Variants in TICRR observed in about 807,000 individuals in gnomAD.
The protein encoded by TICRR is treslin.
TICRR carries 132 observed loss-of-function variants against 178.1 expected under a neutral mutation model. The observed-to-expected ratio is 0.74, with a 90% CI of 0.64 to 0.86. The LOEUF is 0.86. TICRR is among the 40% of genes least tolerant of loss of function. TICRR has a pLI of 0.00. For synonymous variants in TICRR, 991 were observed against 900.7 expected (o/e 1.10, Z -1.79); for missense variants, 2,587 against 2,334.3 (o/e 1.11, Z -2.23).
chr15:89,584,666 T>C, intron 3 of TICRR, 139 bp downstream of exon 3: 2 of 879,180 alleles, frequency 2.3e-6, no homozygotes, highest in South Asian at 6.5e-5. Flanking sequence ...GTTGACATTA[T>C]AGTATCATGA....
Position 89,575,696 on chromosome 15 carries a change from G to T in TICRR, c.110G>T (p.Arg37Leu). ...ALRLLTYLSCRFGLARVHWAF... is the reference protein window; with the variant it reads ...ALRLLTYLSCLFGLARVHWAF... ...CGCCTCCTCACCTATCTGAGTTGCC[G>T]ATTCGGCCTGGCCAGGGTCCACTGG... The change falls in exon 1 of 22, where the codon CGA becomes CTA. Residue 37 changes from arginine to leucine, a missense_variant. Arg to Leu is a moderately radical substitution (Grantham distance 102). Coordinates refer to ENST00000268138, the MANE Select transcript of TICRR (RefSeq NM_152259.4). 1 of 1,605,960 alleles carries T rather than the reference G, an allele frequency of 6.2e-7. No individual in the cohort carries two copies. Among genetic ancestry groups the T allele is most frequent in the Non-Finnish European group, 8.5e-7 (1 of 1,177,582 alleles).
At chr15:89,578,861 A>G (rs752648450) in intron 1 of TICRR, among the ~76,000 whole-genome samples, 1 of 152,066 alleles carries the variant, frequency 6.6e-6, no homozygotes, top group South Asian at 2.1e-4. Flanking sequence ...ATCATTTTCT[A>G]TTCAAAAACC....
chr15:89,602,653 G>C (rs1237799513), intron 12 of TICRR, 143 bp from the exon 13 acceptor site: 1 of 429,112 alleles, frequency 2.3e-6, no homozygotes, highest in Non-Finnish European at 4.0e-6. Context: ...GGGGTGACTT[G>C]TTTTATTATA....
Position 89,575,882 on chromosome 15 carries a change from A to G in TICRR, c.296A>G (p.His99Arg). ...HLPGPAPRAT[H>R]THGALMETLL... ...CCCGGCCCGGCGCCCAGGGCCACCC[A>G]CACGCACGGCGCCCTGATGGAGACG... The change falls in exon 1 of 22, where the codon CAC (histidine) becomes CGC (arginine). Residue 99 changes from histidine (H) to arginine (R), a missense_variant. Physicochemically the swap from His to Arg is conservative, Grantham distance 29. Coordinates refer to ENST00000268138, the MANE Select transcript of TICRR (RefSeq NM_152259.4). 8 of 1,587,208 alleles carry G rather than the reference A, an allele frequency of 5.0e-6. No homozygotes were observed. Among genetic ancestry groups the G allele is most frequent in the Non-Finnish European group, 5.1e-6 (6 of 1,169,282 alleles).
intron 14 of TICRR, among the ~76,000 whole-genome samples, chr15:89,607,789 T>C (rs1963195951): frequency 6.6e-6 from 1 of 152,162 alleles, no homozygotes; most frequent in African/African-American, 2.4e-5. Context: ...GGTGAATTTT[T>C]GGATCACTTC....
At chr15:89,612,806 T>C (rs1474696817) in intron 15 of TICRR, among the ~76,000 whole-genome samples, 1 of 152,240 alleles carries the variant, frequency 6.6e-6, no homozygotes, top group Non-Finnish European at 1.5e-5. Flanking sequence ...TTCTCATTGA[T>C]ACCAATTTAA....
rs537462042 is a variant in TICRR, at chr15:89,586,007, C to T, written c.1411+65C>T. 3.2e-6 allele frequency: 4 copies of T among 1,251,178 alleles called. No individual in the cohort carries two copies. The African/African-American group carries it at 5.9e-5, about 18-fold the overall frequency. The allele number at this position is 1,251,178 out of a possible 1,614,324, so 77.5% of individuals were successfully genotyped here. A position where few individuals can be genotyped will look rare whatever the true frequency, so the allele number is the denominator to read the frequency against. On this transcript the variant is annotated intron_variant, in intron 4 of 21. Transcript: ENST00000268138. ...TTTGCAGTCTTTTCAAGCATCGGGA[C>T]TTTTTCACTGTGCAGTTAGTAGAAC...
chr15:89,617,794 C>T (rs551772662), intron 16 of TICRR, among the ~76,000 whole-genome samples: 4 of 151,008 alleles, frequency 2.6e-5, no homozygotes, highest in South Asian at 2.1e-4. Context: ...CGGGTTCAAG[C>T]GATTCTCTTG....
chr15:89,606,673 A>C, intron 13 of TICRR, 95 bp from the exon 14 acceptor site: 1 of 984,142 alleles, frequency 1.0e-6, no homozygotes, highest in South Asian at 1.4e-5. Flanking sequence ...CCTATAAATG[A>C]ATTACAAGAG....
At chr15:89,588,333 C>T (rs1275937127) in intron 4 of TICRR, among the ~76,000 whole-genome samples, 2 of 152,134 alleles carry the variant, frequency 1.3e-5, no homozygotes, top group Non-Finnish European at 2.9e-5. Flanking sequence ...CAGCCACATT[C>T]ACCAGCTGGC....
chr15:89,620,243 C>T (rs1963402796), intron 18 of TICRR, among the ~76,000 whole-genome samples: 1 of 152,198 alleles, frequency 6.6e-6, no homozygotes. Flanking sequence ...AGGTCTCACT[C>T]TGTCACCCAG....
In TICRR at chr15:89,584,385, C is replaced by T. The variant is rs1254610001; in HGVS notation, c.1034C>T (p.Ser345Leu). 3 of 1,614,160 alleles carry T rather than the reference C, an allele frequency of 1.9e-6. No individual in the cohort carries two copies. The highest frequency in any genetic ancestry group is 1.7e-5 in the Admixed American group (1 of 60,018). ...CCAGTCAGAATTTTTCTAAAAGGCT[C>T]AGTGGCCCAGTGGTCTCTCCCAACG... ...QKPVRIFLKG[S>L]VAQWSLPTSS... Residue 345 changes from serine to leucine, a missense_variant, in exon 3 of 22, where the codon TCA (serine) becomes TTA (leucine). Coordinates refer to ENST00000268138, the MANE Select transcript of TICRR (RefSeq NM_152259.4).
At chr15:89,621,908 G>A (rs778456467) in intron 19 of TICRR, among the ~76,000 whole-genome samples, 17 of 151,662 alleles carry the variant, frequency 1.1e-4, no homozygotes, top group Admixed American at 2.0e-4. Flanking sequence ...TTAGAAACCT[G>A]GGAGTCATCC....
At chr15:89,588,661 G>C (rs1962860576) in intron 4 of TICRR, among the ~76,000 whole-genome samples, 1 of 152,142 alleles carries the variant, frequency 6.6e-6, no homozygotes, top group African/African-American at 2.4e-5. Flanking sequence ...AGTGACTGAA[G>C]GAGGGCAACA....
chr15:89,598,612 C>T (rs1828259203), intron 7 of TICRR, among the ~76,000 whole-genome samples: 1 of 152,092 alleles, frequency 6.6e-6, no homozygotes, highest in South Asian at 2.1e-4. Flanking sequence ...GATCCACCCA[C>T]CTCGGCCTCC....
At chr15:89,597,062 A>G (rs1963009360) in intron 7 of TICRR, among the ~76,000 whole-genome samples, 1 of 152,216 alleles carries the variant, frequency 6.6e-6, no homozygotes, top group Non-Finnish European at 1.5e-5. Context: ...CTTGAAAATA[A>G]TGGGTATTCT....
intron 18 of TICRR, 93 bp from the exon 19 acceptor site, chr15:89,621,300 C>T (rs1356856184): frequency 3.8e-6 from 5 of 1,315,350 alleles, no homozygotes; most frequent in African/African-American, 1.5e-5. Flanking sequence ...GGATTACAGG[C>T]GTGAGCCACC....
At position 89,623,958 on chromosome 15, in the gene TICRR, G is replaced by A. The variant is rs1187170358; in HGVS notation, c.3648G>A (p.Val1216=). ...CAAACTGTACTTGGCCACATTCAGT[G>A]AATTCCAGTCCAGAAAGCCCCTCCT... ...FLPNCTWPHS[V]NSSPESPSCP... The change falls in exon 20 of 22, where the codon GTG becomes GTA. Residue 1216 remains valine, a synonymous_variant. Transcript: ENST00000268138. The A allele has an allele frequency of 6.2e-7, 1 of 1,613,918 alleles. No individual in the cohort carries two copies. Among genetic ancestry groups the A allele is most frequent in the Non-Finnish European group, 8.5e-7 (1 of 1,180,024 alleles).
intron 1 of TICRR, 140 bp from the exon 2 acceptor site, chr15:89,582,546 A>C: frequency 2.6e-6 from 2 of 763,104 alleles, no homozygotes; most frequent in Non-Finnish European, 4.2e-6. Flanking sequence ...CATTATTTCT[A>C]TTTAGCTCAG....
Sources: allele counts gnomAD v4.1 joint callset (sites outside exome capture counted in the v4.1 genomes callset), GRCh38; gene constraint gnomAD v4.1.1; transcripts MANE v1.5; gene names NCBI Gene and HGNC (gene_info 2026-07-23, HGNC 2026-07-21).